SLC28A3: variants seen among roughly 807,000 people sequenced by gnomAD.
The protein encoded by SLC28A3 is solute carrier family 28 member 3, also known as concentrative Na(+)-nucleoside cotransporter 3.
In SLC28A3, 68 loss-of-function variants were observed where a neutral mutation model predicts 84.2. The observed-to-expected ratio is 0.81, with a 90% CI of 0.66 to 0.99. The LOEUF (loss-of-function observed/expected upper bound fraction) is 0.99. Ranked by LOEUF, SLC28A3 falls within the 50% of genes least tolerant of loss-of-function variation. SLC28A3 has a pLI of 0.00. For missense variants in SLC28A3, 712 were observed against 841.5 expected, an observed-to-expected ratio of 0.85 and a Z score of 1.90; for synonymous variants, 267 against 303.6, an observed-to-expected ratio of 0.88 and a Z score of 1.25.
At position 84,322,571 on chromosome 9, in the gene SLC28A3, G is replaced by A. The variant is rs536692858; in HGVS notation, c.61-9117C>T. On this transcript the variant is annotated intron_variant, in intron 1 of 17. Transcript: ENST00000376238. ...AGAAGCACAGAGAATGAGGCCCAGT[G>A]TGGTGGCTGATGCCCATAATCCCAG... is the stretch of plus-strand genomic sequence containing the variant. Among the ~76,000 whole-genome samples, 92 of 152,296 alleles carry A rather than the reference G, an allele frequency of 6.0e-4. No individual in the cohort carries two copies. The Middle Eastern group carries it at 0.014, about 23-fold the overall frequency.
At chr9:84,280,135 C>G in intron 15 of SLC28A3, 62 bp from the exon 16 acceptor site, 2 of 1,509,748 alleles carry the variant, frequency 1.3e-6, no homozygotes, top group Admixed American at 3.7e-5. Context: ...AACTCTTAGC[C>G]TCTGAAAATT....
chr9:84,304,551 A>G (rs1158371865), intron 4 of SLC28A3, among the ~76,000 whole-genome samples: 8 of 152,148 alleles, frequency 5.3e-5, no homozygotes, highest in Admixed American at 3.3e-4. Flanking sequence ...AACAGGAGAC[A>G]TTCTTGTCCT....
upstream of SLC28A3, among the ~76,000 whole-genome samples, chr9:84,342,701 C>G (rs977669296): frequency 6.6e-6 from 1 of 151,970 alleles, no homozygotes; most frequent in African/African-American, 2.4e-5. Context: ...GGATTACAGG[C>G]ACTGTGCCTG....
At chr9:84,309,499 G>A (rs912699450) in intron 3 of SLC28A3, 130 bp downstream of exon 3, 4 of 662,546 alleles carry the variant, frequency 6.0e-6, no homozygotes, top group Non-Finnish European at 9.7e-6. Context: ...CTCCAGCCTG[G>A]GTGACAAAGT....
chr9:84,279,777 A>G (rs1270094759), intron 16 of SLC28A3, among the ~76,000 whole-genome samples, 198 bp downstream of exon 16: 5 of 152,224 alleles, frequency 3.3e-5, no homozygotes, highest in African/African-American at 1.2e-4. Context: ...TTAATTAAGG[A>G]AGTCACTGAA....
At chr9:84,330,526 G>C (rs964707059) in intron 1 of SLC28A3, among the ~76,000 whole-genome samples, 1 of 151,928 alleles carries the variant, frequency 6.6e-6, no homozygotes, top group Admixed American at 6.6e-5. Flanking sequence ...ATATGACTAA[G>C]GACCTGAATT....
At chr9:84,309,427 A>G (rs1027654952) in intron 3 of SLC28A3, among the ~76,000 whole-genome samples, 1 of 148,618 alleles carries the variant, frequency 6.7e-6, no homozygotes, top group East Asian at 2.1e-4. Flanking sequence ...GGAGGCTCAA[A>G]TGGGAGAATC....
chr9:84,279,130 G>A (rs1026608163), intron 17 of SLC28A3, 135 bp downstream of exon 17: 40 of 727,506 alleles, frequency 5.5e-5, no homozygotes, highest in Non-Finnish European at 7.1e-5. Context: ...CGGAGATTGC[G>A]CCACTGCACT....
chr9:84,277,490 T>C lies in SLC28A3; in HGVS notation c.*728A>G, dbSNP rs535872133. On this transcript the variant is annotated 3_prime_UTR_variant, in exon 18 of 18. Transcript: ENST00000376238. ...CCCCTTAGAGGCTGCTCCTTTAGAC[T>C]GGGTGCTGAAGCAATATGGATTACA... The C allele has an allele frequency of 1.3e-5, 2 of 152,352 alleles. No homozygotes were observed. Among genetic ancestry groups the C allele is most frequent in the South Asian group, 2.1e-4 (1 of 4,832 alleles). 9.4% of individuals were successfully genotyped at this position (152,352 alleles called of 1,614,324 possible). A position where few individuals can be genotyped will look rare whatever the true frequency, so the allele number is the denominator to read the frequency against.
intron 14 of SLC28A3, among the ~76,000 whole-genome samples, chr9:84,283,680 A>G (rs1824860300): frequency 6.6e-6 from 1 of 152,218 alleles, no homozygotes; most frequent in South Asian, 2.1e-4. Context: ...GTGATGCAAT[A>G]AGGGGCTCAT....
At chr9:84,351,300 C>T in the SLC28A3 span, among the ~76,000 whole-genome samples, 1 of 152,224 alleles carries the variant, frequency 6.6e-6, no homozygotes, top group Non-Finnish European at 1.5e-5. Flanking sequence ...TATATGAGGT[C>T]TCTTGTTGAC....
chr9:84,285,860 G>C (rs1293741861), intron 13 of SLC28A3, 83 bp downstream of exon 13: 24 of 1,448,156 alleles, frequency 1.7e-5, no homozygotes, highest in Non-Finnish European at 1.7e-5. Context: ...TGAGGTTAGG[G>C]TGGGCTGTTT....
intron 10 of SLC28A3, among the ~76,000 whole-genome samples, chr9:84,291,498 A>G (rs567466085): frequency 6.6e-6 from 1 of 152,056 alleles, no homozygotes; most frequent in Non-Finnish European, 1.5e-5. Flanking sequence ...CACCATGCCC[A>G]GCTAATTTTG....
chr9:84,280,065 C>CCATG lies in SLC28A3; in HGVS notation c.1734_1737dup (p.Ala580HisfsTer8). The stretch of plus-strand genomic sequence containing the variant: ...GCGATATCACGCTTTCTGGAAGGAG[C>CCATG]CATGGATGCTGGGAAACATGGAAGG... On this transcript the variant is annotated frameshift_variant, in exon 16 of 18. Transcript: ENST00000376238. LOFTEE classifies it high-confidence loss of function. 1 of 1,613,624 alleles carries CCATG rather than the reference C, an allele frequency of 6.2e-7. No homozygotes were observed. Among genetic ancestry groups the CCATG allele is most frequent in the Non-Finnish European group, 8.5e-7 (1 of 1,179,894 alleles).
intron 1 of SLC28A3, among the ~76,000 whole-genome samples, chr9:84,340,298 A>G (rs955364275): frequency 6.6e-6 from 1 of 152,048 alleles, no homozygotes; most frequent in Admixed American, 6.6e-5. Context: ...TAAATAATGG[A>G]CCCCTGCTGT....
At chr9:84,361,041 C>T in the SLC28A3 span, among the ~76,000 whole-genome samples, 1 of 151,834 alleles carries the variant, frequency 6.6e-6, no homozygotes, top group Non-Finnish European at 1.5e-5. Flanking sequence ...CAAACCAGAA[C>T]GATTTTTAGG....
intron 8 of SLC28A3, among the ~76,000 whole-genome samples, chr9:84,295,136 C>T (rs958353958): frequency 2.0e-5 from 3 of 151,858 alleles, no homozygotes; most frequent in African/African-American, 7.3e-5. Context: ...AACATGGTGC[C>T]CCCCCTACTG....
Position 84,278,125 on chromosome 9 carries a change from T to A in SLC28A3, c.*93A>T. The A allele has an allele frequency of 2.1e-6, 3 of 1,456,344 alleles. No individual in the cohort carries two copies. Among genetic ancestry groups the A allele is most frequent in the Non-Finnish European group, 2.8e-6 (3 of 1,082,672 alleles). 90.2% of individuals were successfully genotyped at this position (1,456,344 alleles called of 1,614,324 possible). A position where few individuals can be genotyped will look rare whatever the true frequency, so the allele number is the denominator to read the frequency against. ...TAAAGCTGATTCCATTATGGAAGCA[T>A]CAATCTGTGGACAATAGCTTCTTTT... On this transcript the variant is annotated 3_prime_UTR_variant, in exon 18 of 18. Coordinates refer to ENST00000376238, the MANE Select transcript of SLC28A3 (RefSeq NM_001199633.2).
chr9:84,326,650 A>T (rs1334669256), intron 1 of SLC28A3, among the ~76,000 whole-genome samples: 1 of 151,088 alleles, frequency 6.6e-6, no homozygotes, highest in Non-Finnish European at 1.5e-5. Flanking sequence ...AACAACAACA[A>T]CAACAACAAC....
Sources: allele counts gnomAD v4.1 joint callset (sites outside exome capture counted in the v4.1 genomes callset), GRCh38; gene constraint gnomAD v4.1.1; transcripts MANE v1.5; gene names NCBI Gene and HGNC (gene_info 2026-07-23, HGNC 2026-07-21).